GSE1: variants seen among roughly 807,000 people sequenced by gnomAD.
GSE1 encodes the protein Gse1 coiled-coil protein.
GSE1 carries 32 observed loss-of-function variants against 112.6 expected under a neutral mutation model. The ratio of observed to expected loss-of-function variants is 0.28; its 90% CI spans 0.21 to 0.38. The LOEUF (loss-of-function observed/expected upper bound fraction) is 0.38. Ranked by LOEUF, GSE1 falls within the 10% of genes least tolerant of loss-of-function variation. The probability of loss-of-function intolerance (pLI) is 1.00; values close to 1 mark genes in which losing one functional copy is unlikely to be tolerated. For missense variants in GSE1, 2,348 were observed against 1,699.2 expected (o/e 1.38, Z -6.71); for synonymous variants, 1,115 against 735.6 (o/e 1.52, Z -8.35).
intron 2 of GSE1, among the ~76,000 whole-genome samples, chr16:85,460,684 CG>C (rs939855543): frequency 6.6e-6 from 1 of 152,212 alleles, no homozygotes; most frequent in African/African-American, 2.4e-5. Flanking sequence ...CTTGAAGAGA[CG>C]GGGGCTGTGG....
chr16:85,304,600 G>C (rs1220472293), intron 1 of GSE1, among the ~76,000 whole-genome samples: 1 of 112,060 alleles, frequency 8.9e-6, no homozygotes, highest in East Asian at 3.4e-4. Flanking sequence ...CAAGCCGGGG[G>C]CGGGGGGGTG....
chr16:85,617,673 C>G (rs1239681299), intron 1 of GSE1, among the ~76,000 whole-genome samples: 2 of 140,664 alleles, frequency 1.4e-5, no homozygotes, highest in Non-Finnish European at 3.1e-5. Context: ...GAGCAGCTTC[C>G]TAGTCACCTA....
In GSE1 at chr16:85,358,270, T is replaced by A. The variant is rs560659656; in HGVS notation, c.2464+627T>A. ...GTGTGTGGACCCTTGAGGCTTTGGC[T>A]GCTGGGCCTTGGGGCCTGGGCCAGG... On this transcript the variant is annotated intron_variant, in intron 2 of 2. Transcript: ENST00000637419. Among the ~76,000 whole-genome samples, 248 of 152,354 alleles carry A rather than the reference T, an allele frequency of 1.6e-3. 1 individual carries two copies. Among genetic ancestry groups the A allele is most frequent in the African/African-American group, 5.6e-3 (233 of 41,582 alleles).
intron 1 of GSE1, chr16:85,283,471 G>C (rs1464691696): frequency 6.5e-6 from 1 of 152,686 alleles, no homozygotes; most frequent in African/African-American, 2.4e-5. Flanking sequence ...GCTCGTGAGA[G>C]CCGCAGGCCC....
intron 3 of GSE1, among the ~76,000 whole-genome samples, chr16:85,653,772 C>T (rs2051650834): frequency 6.6e-6 from 1 of 152,172 alleles, no homozygotes; most frequent in African/African-American, 2.4e-5. Flanking sequence ...TGCCCCTGCC[C>T]TCCACGTGGG....
At chr16:85,480,950 C>T (rs374481253) in intron 2 of GSE1, among the ~76,000 whole-genome samples, 1 of 152,242 alleles carries the variant, frequency 6.6e-6, no homozygotes, top group East Asian at 1.9e-4. Context: ...CGTGCAGAAC[C>T]GCAGGTCTTC....
chr16:85,317,717 C>T (rs992670485), intron 1 of GSE1, among the ~76,000 whole-genome samples: 2 of 152,162 alleles, frequency 1.3e-5, no homozygotes, highest in Non-Finnish European at 2.9e-5. Flanking sequence ...CGCTGGTGAG[C>T]ATTCATGCAC....
chr16:85,651,935 G>C (rs1244372624), intron 3 of GSE1, among the ~76,000 whole-genome samples: 5 of 152,224 alleles, frequency 3.3e-5, no homozygotes, highest in Non-Finnish European at 5.9e-5. Flanking sequence ...CAGACCCTAG[G>C]AACAGGGTGT....
In GSE1 at chr16:85,342,244, AT is replaced by A. The variant is rs772035060; in HGVS notation, c.2284-15214del. On this transcript the variant is annotated intron_variant, in intron 1 of 2. Transcript: ENST00000637419. Reference sequence around the variant, plus strand: ...CTGTAGCCAGTGCATCCGGACGTGTATTTTTAAAGGGTATAATTTCTATCAA... The same window carrying A: ...CTGTAGCCAGTGCATCCGGACGTGTATTTTAAAGGGTATAATTTCTATCAA... Among the ~76,000 whole-genome samples the A allele has an allele frequency of 5.3e-5, 8 of 152,158 alleles. No homozygotes were observed. The East Asian group carries it at 7.7e-4, about 15-fold the overall frequency.
At chr16:85,596,993 T>C (rs1319140368) in intron 1 of GSE1, among the ~76,000 whole-genome samples, 1 of 151,994 alleles carries the variant, frequency 6.6e-6, no homozygotes, top group Admixed American at 6.5e-5. Flanking sequence ...TTTGTTTGTT[T>C]TTGAGATGAA....
chr16:85,214,408 C>G (rs2075276234), intron 1 of GSE1, among the ~76,000 whole-genome samples: 1 of 152,186 alleles, frequency 6.6e-6, no homozygotes. Flanking sequence ...GACGCAGACA[C>G]AGGGTGCAGG....
chr16:85,319,313 G>A (rs777988165), intron 1 of GSE1, among the ~76,000 whole-genome samples: 1 of 152,194 alleles, frequency 6.6e-6, no homozygotes, highest in Non-Finnish European at 1.5e-5. Context: ...ACAGTGTAGC[G>A]GGAGTCCTAA....
chr16:85,356,389 G>T lies in GSE1; in HGVS notation c.2284-1074G>T, dbSNP rs540121793. ...GTTCCCTTGGCAGGGGGCAGCACCC[G>T]GGGAGGGACACGGCTGTCAGTGGTC... On this transcript the variant is annotated intron_variant, in intron 1 of 2. Transcript: ENST00000637419. Among the ~76,000 whole-genome samples the T allele has an allele frequency of 7.2e-5, 11 of 152,362 alleles. No homozygotes were observed. The South Asian group carries it at 1.2e-3, about 17-fold the overall frequency.
rs180837904 is a variant in GSE1 at position 85,556,890 on chromosome 16, C to T, written c.37+527C>T. 1.3e-3 allele frequency among the ~76,000 whole-genome samples: 203 copies of T among 152,046 alleles called. 1 individual carries two copies. The highest frequency in any genetic ancestry group is 4.8e-3 in the African/African-American group (198 of 41,494). The stretch of plus-strand genomic sequence containing the variant: ...GATTCCCTGGAAGGTTTTGTTCCGC[C>T]GAGGTCGGAGGAGGGGGCCGGGGAA... On this transcript the variant is annotated intron_variant, in intron 1 of 2. Coordinates refer to the GSE1 transcript ENST00000635906.
At chr16:85,586,426 T>C (rs2046697495) in intron 1 of GSE1, among the ~76,000 whole-genome samples, 1 of 152,086 alleles carries the variant, frequency 6.6e-6, no homozygotes, top group Admixed American at 6.5e-5. Context: ...CAGCCCCATC[T>C]CTCTGATCTC....
At chr16:85,392,433 T>A (rs906074593) in intron 2 of GSE1, among the ~76,000 whole-genome samples, 1 of 151,998 alleles carries the variant, frequency 6.6e-6, no homozygotes, top group Non-Finnish European at 1.5e-5. Context: ...GGATGGAGAG[T>A]GATTGCTAAT....
chr16:85,675,256 C>G lies in GSE1; in HGVS notation c.*2717C>G, dbSNP rs150981261. 3 of 152,208 alleles carry G rather than the reference C, an allele frequency of 2.0e-5. No homozygotes were observed. Among genetic ancestry groups the G allele is most frequent in the African/African-American group, 4.8e-5 (2 of 41,450 alleles). 9.4% of individuals were successfully genotyped at this position (152,208 alleles called of 1,614,324 possible). A position where few individuals can be genotyped will look rare whatever the true frequency, so the allele number is the denominator to read the frequency against. On this transcript the variant is annotated 3_prime_UTR_variant, in exon 16 of 16. Coordinates refer to ENST00000253458, the MANE Select transcript of GSE1 (RefSeq NM_014615.5). ...AGGATGCACCTGAAAGCCCTCGGCT[C>G]GGTCCTTAGACCATCTTCCTACATT...
chr16:85,498,292 T>C (rs2051247710), intron 2 of GSE1, among the ~76,000 whole-genome samples: 1 of 152,188 alleles, frequency 6.6e-6, no homozygotes, highest in East Asian at 1.9e-4. Flanking sequence ...CATAGATGGC[T>C]ACACAGATAT....
chr16:85,645,593 A>T (rs1029719658), intron 2 of GSE1, among the ~76,000 whole-genome samples: 22 of 152,174 alleles, frequency 1.4e-4, no homozygotes, highest in African/African-American at 5.3e-4. Context: ...TGGTCACGCC[A>T]CTAAGGCCAC....
Sources: gnomAD v4.1 joint callset for allele counts (sites outside exome capture counted in the v4.1 genomes callset) on GRCh38, gnomAD v4.1.1 for gene constraint, MANE v1.5 for transcripts, NCBI Gene and HGNC (gene_info 2026-07-23, HGNC 2026-07-21) for gene names.